Variants in GYS2 observed in about 807,000 individuals in gnomAD.
GYS2 encodes the protein glycogen synthase 2.
In GYS2, 80 loss-of-function variants were observed where a neutral mutation model predicts 85.6. That is an observed-to-expected ratio of 0.93 (90% CI 0.78 to 1.13). The LOEUF is 1.13. Among genes scored for constraint, GYS2 ranks in the 50% most tolerant of loss-of-function variants. The probability of loss-of-function intolerance (pLI) is 0.00; values close to 1 mark genes in which losing one functional copy is unlikely to be tolerated. For missense variants in GYS2, 881 were observed against 854.9 expected (o/e 1.03, Z -0.38); for synonymous variants, 328 against 300.7 (o/e 1.09, Z -0.94).
At chr12:21,570,620 G>A (rs1473673722) in intron 4 of GYS2, among the ~76,000 whole-genome samples, 4 of 152,246 alleles carry the variant, frequency 2.6e-5, no homozygotes, top group Non-Finnish European at 4.4e-5. Context: ...TAGCTGAAAT[G>A]CTAGCTGCCC....
intron 1 of GYS2, among the ~76,000 whole-genome samples, chr12:21,597,778 G>A (rs1443570535): frequency 6.6e-6 from 1 of 152,102 alleles, no homozygotes; most frequent in African/African-American, 2.4e-5. Context: ...ATTCACATTA[G>A]CAAAGATATG....
At chr12:21,537,294 G>T in intron 15 of GYS2, 119 bp from the exon 16 acceptor site, 1 of 745,142 alleles carries the variant, frequency 1.3e-6, no homozygotes, top group South Asian at 1.5e-5. Context: ...TAGTCTGGGT[G>T]CTATTAAACT....
At chr12:21,543,262 A>G (rs1018864206) in intron 12 of GYS2, among the ~76,000 whole-genome samples, 1 of 152,186 alleles carries the variant, frequency 6.6e-6, no homozygotes, top group African/African-American at 2.4e-5. Context: ...AGTTGGATGA[A>G]AAAAAGATCT....
intron 5 of GYS2, among the ~76,000 whole-genome samples, chr12:21,567,434 T>G (rs1471514362): frequency 1.3e-5 from 2 of 151,398 alleles, no homozygotes; most frequent in African/African-American, 4.9e-5. Context: ...AGAGTAAGAA[T>G]CCAAGCGAAT....
chr12:21,551,422 T>C (rs1245883053), intron 11 of GYS2, among the ~76,000 whole-genome samples: 2 of 152,036 alleles, frequency 1.3e-5, no homozygotes, highest in Non-Finnish European at 2.9e-5. Flanking sequence ...CCTTGTGCAA[T>C]TGGTAAAGAA....
intron 1 of GYS2, among the ~76,000 whole-genome samples, chr12:21,594,374 T>G (rs77684552): frequency 0.017 from 2,608 of 152,164 alleles, 22 homozygotes; most frequent in Non-Finnish European, 0.027. Flanking sequence ...ACCAAAGCAC[T>G]CTTAGCGCTG....
At chr12:21,546,646 T>C (rs1944044092) in intron 11 of GYS2, among the ~76,000 whole-genome samples, 176 bp from the exon 12 acceptor site, 1 of 152,188 alleles carries the variant, frequency 6.6e-6, no homozygotes, top group Non-Finnish European at 1.5e-5. Context: ...TTTGTTCTCC[T>C]CTCTCCATTC....
chr12:21,563,844 T>G (rs946822117), intron 5 of GYS2, among the ~76,000 whole-genome samples: 1 of 152,208 alleles, frequency 6.6e-6, no homozygotes, highest in Non-Finnish European at 1.5e-5. Context: ...CCCCACATAC[T>G]GTTTCCTTAA....
At chr12:21,574,543 A>G (rs1195549822) in intron 3 of GYS2, among the ~76,000 whole-genome samples, 1 of 152,184 alleles carries the variant, frequency 6.6e-6, no homozygotes, top group Non-Finnish European at 1.5e-5. Context: ...CCTTTCAGTG[A>G]TGGAGCAGAT....
intron 1 of GYS2, among the ~76,000 whole-genome samples, chr12:21,589,534 G>A (rs1418643125): frequency 6.6e-6 from 1 of 152,100 alleles, no homozygotes; most frequent in African/African-American, 2.4e-5. Context: ...TCCCACATAA[G>A]AGAGAATTCT....
intron 2 of GYS2, among the ~76,000 whole-genome samples, chr12:21,576,521 C>T (rs950755048): frequency 6.6e-6 from 1 of 151,958 alleles, no homozygotes; most frequent in Admixed American, 6.6e-5. Context: ...TTTCTGTAGT[C>T]CAATATGTAT....
chr12:21,551,939 A>G (rs540117727), intron 11 of GYS2, among the ~76,000 whole-genome samples: 3 of 152,312 alleles, frequency 2.0e-5, no homozygotes, highest in South Asian at 4.1e-4. Context: ...CCCATTTTGG[A>G]ACATGAAAAC....
intron 1 of GYS2, among the ~76,000 whole-genome samples, chr12:21,580,999 C>A (rs1429516798): frequency 6.6e-6 from 1 of 152,142 alleles, no homozygotes; most frequent in Non-Finnish European, 1.5e-5. Flanking sequence ...CTGTGGTTTT[C>A]AATTATGAAG....
chr12:21,574,093 C>T, intron 4 of GYS2, 51 bp downstream of exon 4: 1 of 1,368,560 alleles, frequency 7.3e-7, no homozygotes, highest in Non-Finnish European at 1.0e-6. Context: ...CTTTCAGCTT[C>T]AGCAATCTGA....
intron 2 of GYS2, among the ~76,000 whole-genome samples, chr12:21,578,495 C>T (rs1944471412): frequency 6.6e-6 from 1 of 152,162 alleles, no homozygotes; most frequent in Non-Finnish European, 1.5e-5. Context: ...TGTATTTGTG[C>T]CACTATAAAG....
intron 1 of GYS2, among the ~76,000 whole-genome samples, chr12:21,588,478 TA>T (rs753778262): frequency 1.2e-4 from 19 of 152,356 alleles, no homozygotes; most frequent in Non-Finnish European, 2.1e-4. Context: ...CATTAATTTA[TA>T]AAGGAGAAGA....
chr12:21,535,080 A>G (rs1943898567), downstream of GYS2: 2 of 152,204 alleles, frequency 1.3e-5, no homozygotes, highest in Non-Finnish European at 1.5e-5. Flanking sequence ...TACAGGATAG[A>G]AGGTGATTCC....
intron 1 of GYS2, among the ~76,000 whole-genome samples, chr12:21,589,797 C>T (rs1201312309): frequency 6.6e-6 from 1 of 152,126 alleles, no homozygotes; most frequent in Admixed American, 6.5e-5. Flanking sequence ...GGCATTGCTC[C>T]AGAGAAGGAG....
chr12:21,550,891 G>A (rs960366735), intron 11 of GYS2, among the ~76,000 whole-genome samples: 13 of 152,084 alleles, frequency 8.5e-5, no homozygotes, highest in Admixed American at 6.5e-4. Flanking sequence ...GCAGTGAACG[G>A]AGATCGTGCC....
Sources: allele counts gnomAD v4.1 joint callset (sites outside exome capture counted in the v4.1 genomes callset), GRCh38; gene constraint gnomAD v4.1.1; transcripts MANE v1.5; gene names NCBI Gene and HGNC (gene_info 2026-07-23, HGNC 2026-07-21).